Variants in PCNX2 observed in about 807,000 individuals in gnomAD.
PCNX2 encodes the protein pecanex-like protein 2.
A neutral mutation model predicts 223.8 loss-of-function variants in PCNX2; 168 were observed. That is an observed-to-expected ratio of 0.75 (90% CI 0.66 to 0.85). The LOEUF is 0.85. Among genes scored for constraint, PCNX2 ranks in the 40% least tolerant of loss-of-function variants. The pLI, the probability that PCNX2 is intolerant of heterozygous loss-of-function variation, is 0.00. For synonymous variants in PCNX2, 1,006 were observed against 1,052.6 expected, an observed-to-expected ratio of 0.96 and a Z score of 0.86; for missense variants, 2,507 against 2,675.5, an observed-to-expected ratio of 0.94 and a Z score of 1.39.
At chr1:233,257,506 A>C (rs1319018038) in intron 5 of PCNX2, among the ~76,000 whole-genome samples, 2 of 152,228 alleles carry the variant, frequency 1.3e-5, no homozygotes, top group Non-Finnish European at 2.9e-5. Flanking sequence ...CACCCTCGTT[A>C]ATACATGCAA....
intron 1 of PCNX2, chr1:233,294,084 G>A: frequency 1.4e-6 from 1 of 700,468 alleles, no homozygotes; most frequent in Non-Finnish European, 1.8e-6. Context: ...TGATTGTGAT[G>A]ATCACATCCG....
chr1:233,199,487 G>A (rs1242212575), intron 14 of PCNX2, among the ~76,000 whole-genome samples: 1 of 151,934 alleles, frequency 6.6e-6, no homozygotes, highest in Non-Finnish European at 1.5e-5. Flanking sequence ...GTGTTATGGG[G>A]GTGGTAACAG....
At chr1:233,186,475 G>T (rs1038979891) in intron 15 of PCNX2, among the ~76,000 whole-genome samples, 2 of 152,092 alleles carry the variant, frequency 1.3e-5, no homozygotes, top group African/African-American at 4.8e-5. Flanking sequence ...TGGCCGGCAC[G>T]TGTGGGTGTG....
intron 23 of PCNX2, among the ~76,000 whole-genome samples, chr1:233,079,193 A>G (rs2102918593): frequency 6.6e-6 from 1 of 152,286 alleles, no homozygotes; most frequent in Non-Finnish European, 1.5e-5. Context: ...ACACAGAATT[A>G]TGGCAATAAA....
At chr1:232,985,476 A>G (rs1192049383) in intron 33 of PCNX2, 1 of 155,496 alleles carries the variant, frequency 6.4e-6, no homozygotes, top group East Asian at 1.9e-4. Flanking sequence ...CCTGTCTACC[A>G]GGTCACATAG....
chr1:233,006,843 C>G (rs968151606), intron 28 of PCNX2, among the ~76,000 whole-genome samples: 3 of 152,120 alleles, frequency 2.0e-5, no homozygotes, highest in Non-Finnish European at 4.4e-5. Flanking sequence ...GATTTGCAGG[C>G]TGGGTGTCCC....
At chr1:233,074,488 G>A (rs1672999009) in intron 23 of PCNX2, among the ~76,000 whole-genome samples, 1 of 149,776 alleles carries the variant, frequency 6.7e-6, no homozygotes, top group East Asian at 2.0e-4. Context: ...CCAGCTACTT[G>A]GGAGGCTGAG....
At chr1:233,099,785 T>C (rs1432377136) in intron 21 of PCNX2, among the ~76,000 whole-genome samples, 2 of 152,140 alleles carry the variant, frequency 1.3e-5, no homozygotes, top group Non-Finnish European at 2.9e-5. Context: ...ACACTGGCCA[T>C]TGTGTATAAA....
rs999877514 is a variant in PCNX2, at chr1:233,230,436, CA to C, written c.2359-3066del. Among the ~76,000 whole-genome samples the C allele has an allele frequency of 4.0e-5, 6 of 150,728 alleles. No homozygotes were observed. In the East Asian group the frequency reaches 7.8e-4, roughly 20 times the overall value. On this transcript the variant is annotated intron_variant, in intron 9 of 33. Transcript: ENST00000258229. ...AAAAATGAATGCATGGACAAACTGA[CA>C]AAAAAAAAGATGTTTATGTCTCTGA...
Position 232,984,223 on chromosome 1 carries a change from T to C in PCNX2, c.*81A>G, listed in dbSNP as rs1414469694. On this transcript the variant is annotated 3_prime_UTR_variant, in exon 34 of 34. Transcript: ENST00000258229. ...CATGGATCGCGGTATTGGTTGGTTG[T>C]GGTGATTTGGGGAGCACGAGGGAGA... 5 of 1,363,354 alleles carry C rather than the reference T, an allele frequency of 3.7e-6. No homozygotes were observed. The highest frequency in any genetic ancestry group is 5.8e-5 in the Admixed American group (2 of 34,636). 84.5% of individuals were successfully genotyped at this position (1,363,354 alleles called of 1,614,324 possible). A position where few individuals can be genotyped will look rare whatever the true frequency, so the allele number is the denominator to read the frequency against.
chr1:233,184,428 G>C (rs1240361011), intron 15 of PCNX2, among the ~76,000 whole-genome samples: 2 of 152,012 alleles, frequency 1.3e-5, no homozygotes, highest in African/African-American at 4.8e-5. Context: ...GTCAGTGTTA[G>C]TTTTTCATTA....
chr1:233,321,986 G>T, the PCNX2 span, among the ~76,000 whole-genome samples: 1,320 of 152,280 alleles, frequency 8.7e-3, 5 homozygotes, highest in Non-Finnish European at 0.014. Flanking sequence ...ATCACACTAA[G>T]AACTGCTGAG....
At chr1:233,189,774 A>G (rs1243971605) in intron 15 of PCNX2, among the ~76,000 whole-genome samples, 1 of 152,168 alleles carries the variant, frequency 6.6e-6, no homozygotes, top group Non-Finnish European at 1.5e-5. Flanking sequence ...TGCCATTAAT[A>G]AAAAAGAAAT....
chr1:233,063,365 A>C (rs774189902), intron 23 of PCNX2, among the ~76,000 whole-genome samples: 22 of 152,206 alleles, frequency 1.4e-4, no homozygotes, highest in Non-Finnish European at 2.9e-4. Context: ...AAGGGAAAAA[A>C]GGTAAAGGAG....
intron 32 of PCNX2, among the ~76,000 whole-genome samples, chr1:232,988,937 G>T (rs941655549): frequency 1.3e-5 from 2 of 152,210 alleles, no homozygotes; most frequent in African/African-American, 2.4e-5. Context: ...GCACAGCGTG[G>T]CTGGCCTGGG....
intron 12 of PCNX2, among the ~76,000 whole-genome samples, chr1:233,213,931 C>A (rs148046736): frequency 6.8e-6 from 1 of 146,306 alleles, no homozygotes; most frequent in Non-Finnish European, 1.5e-5. Flanking sequence ...CGGGTTCAAG[C>A]GATTCTCCTG....
At chr1:233,232,708 G>T in intron 9 of PCNX2, 2 of 687,362 alleles carry the variant, frequency 2.9e-6, no homozygotes, top group Non-Finnish European at 3.6e-6. Flanking sequence ...ATGAGTTCTT[G>T]TTAATGTTTT....
chr1:233,103,590 A>G (rs1571873377), intron 21 of PCNX2, among the ~76,000 whole-genome samples: 1 of 152,160 alleles, frequency 6.6e-6, no homozygotes, highest in East Asian at 1.9e-4. Context: ...CTCCAGTTCC[A>G]TCCATGTTGT....
chr1:233,131,135 A>AG (rs894966600), intron 21 of PCNX2, among the ~76,000 whole-genome samples: 1 of 152,146 alleles, frequency 6.6e-6, no homozygotes, highest in Non-Finnish European at 1.5e-5. Flanking sequence ...CCCTTCTGTG[A>AG]GGGGGGCTGC....
Sources: allele counts gnomAD v4.1 joint callset (sites outside exome capture counted in the v4.1 genomes callset), GRCh38; gene constraint gnomAD v4.1.1; transcripts MANE v1.5; gene names NCBI Gene and HGNC (gene_info 2026-07-23, HGNC 2026-07-21).